Variants in NRXN3 observed in about 807,000 individuals in gnomAD.
The protein encoded by NRXN3 is neurexin III.
A neutral mutation model predicts 137.6 loss-of-function variants in NRXN3; 32 were observed. The observed-to-expected ratio is 0.23, with a 90% confidence interval of 0.18 to 0.31. The LOEUF (loss-of-function observed/expected upper bound fraction) is 0.31. Among genes scored for constraint, NRXN3 ranks in the 10% least tolerant of loss-of-function variants. The pLI is 1.00. For synonymous variants in NRXN3, 798 were observed against 784.5 expected (o/e 1.02, Z -0.29); for missense variants, 1,574 against 2,062.5 (o/e 0.76, Z 4.59).
chr14:79,855,703 T>A (rs2099401138), intron 20 of NRXN3, among the ~76,000 whole-genome samples: 1 of 152,200 alleles, frequency 6.6e-6, no homozygotes, highest in Non-Finnish European at 1.5e-5. Flanking sequence ...AAAGTGATTA[T>A]GTAAGTGTTT....
At chr14:79,788,214 G>A (rs1409460110) in intron 19 of NRXN3, among the ~76,000 whole-genome samples, 2 of 152,044 alleles carry the variant, frequency 1.3e-5, no homozygotes, top group Non-Finnish European at 2.9e-5. Context: ...AACAGCATGG[G>A]AAAAACCCAC....
intron 15 of NRXN3, among the ~76,000 whole-genome samples, chr14:79,358,648 A>AGAAG (rs2093563582): frequency 6.6e-6 from 1 of 151,202 alleles, no homozygotes; most frequent in African/African-American, 2.4e-5. Flanking sequence ...AAAGAAAGAA[A>AGAAG]GAAAGAAAGA....
At chr14:78,263,441 A>G (rs2071121866) in intron 2 of NRXN3, among the ~76,000 whole-genome samples, 4 of 152,206 alleles carry the variant, frequency 2.6e-5, no homozygotes. Flanking sequence ...CTTTACCTCT[A>G]TGTTGGCATA....
chr14:79,419,057 A>G (rs991359216), intron 15 of NRXN3, among the ~76,000 whole-genome samples: 32 of 135,494 alleles, frequency 2.4e-4, no homozygotes, highest in African/African-American at 7.3e-4. Context: ...TTTACCTTCT[A>G]TCTGTCCTGG....
chr14:79,143,699 TA>T (rs1289038865), intron 15 of NRXN3, among the ~76,000 whole-genome samples: 1 of 152,224 alleles, frequency 6.6e-6, no homozygotes, highest in Non-Finnish European at 1.5e-5. Context: ...GCTCACTCTT[TA>T]GAGGGAAATT....
At chr14:79,522,651 C>T (rs554823483) in intron 16 of NRXN3, among the ~76,000 whole-genome samples, 1 of 152,120 alleles carries the variant, frequency 6.6e-6, no homozygotes, top group Non-Finnish European at 1.5e-5. Flanking sequence ...CCCATGGAAA[C>T]CTTTACAAAT....
intron 4 of NRXN3, among the ~76,000 whole-genome samples, chr14:78,590,502 T>C (rs1388656097): frequency 6.6e-6 from 1 of 152,210 alleles, no homozygotes; most frequent in East Asian, 1.9e-4. Flanking sequence ...AGCTAGACCA[T>C]TCCTAAAGGA....
chr14:79,676,394 T>G (rs1374279411), intron 17 of NRXN3, among the ~76,000 whole-genome samples: 1 of 152,062 alleles, frequency 6.6e-6, no homozygotes, highest in Non-Finnish European at 1.5e-5. Flanking sequence ...TCTTTCTATG[T>G]ATTTCCTTCA....
chr14:78,962,870 C>T lies in NRXN3; in HGVS notation c.2396-3155C>T, dbSNP rs150430856. Among the ~76,000 whole-genome samples the T allele has an allele frequency of 1.2e-4, 19 of 152,190 alleles. No homozygotes were observed. The East Asian group carries it at 3.3e-3, about 26-fold the overall frequency. On this transcript the variant is annotated intron_variant, in intron 11 of 20. Coordinates refer to ENST00000335750, the MANE Select transcript of NRXN3 (RefSeq NM_001330195.2). ...CTGGGACTACAGGCGTGTGCCACCA[C>T]GCCAGGCTAATTTTTGTATTTTTAG...
At chr14:79,028,452 G>C (rs1595101073) in intron 15 of NRXN3, among the ~76,000 whole-genome samples, 1 of 152,264 alleles carries the variant, frequency 6.6e-6, no homozygotes, top group East Asian at 1.9e-4. Flanking sequence ...CTCTACCCAA[G>C]TTGCCCAAGA....
chr14:78,262,404 A>G (rs2070894535), intron 2 of NRXN3, among the ~76,000 whole-genome samples: 1 of 152,162 alleles, frequency 6.6e-6, no homozygotes, highest in Non-Finnish European at 1.5e-5. Flanking sequence ...CTTGGAGGTA[A>G]GGATTCAGGG....
chr14:79,141,165 A>G (rs2058751569), intron 15 of NRXN3, among the ~76,000 whole-genome samples: 1 of 152,186 alleles, frequency 6.6e-6, no homozygotes, highest in South Asian at 2.1e-4. Flanking sequence ...GTAGTAATAA[A>G]TGATATGACA....
intron 15 of NRXN3, among the ~76,000 whole-genome samples, chr14:79,344,392 A>G (rs1223537420): frequency 3.3e-5 from 5 of 152,192 alleles, no homozygotes. Context: ...AATATGCTCA[A>G]TGTGCTTTAA....
intron 15 of NRXN3, among the ~76,000 whole-genome samples, chr14:79,092,304 A>G (rs1467635843): frequency 6.6e-6 from 1 of 152,226 alleles, no homozygotes; most frequent in Non-Finnish European, 1.5e-5. Flanking sequence ...TTTTGTAATC[A>G]CATGATTAAT....
In NRXN3 at chr14:79,284,207, A is replaced by G. The variant is rs1598292852; in HGVS notation, c.3263-183014A>G. On this transcript the variant is annotated intron_variant, in intron 15 of 20. Transcript: ENST00000335750. ...TTAAAGGTCATTGGACCTTTAAGAA[A>G]TCCAATGTGTCTGGGCATGGTGGCT... Among the ~76,000 whole-genome samples the G allele has an allele frequency of 2.0e-5, 3 of 150,432 alleles. No homozygotes were observed. In the South Asian group the frequency reaches 6.4e-4, roughly 32 times the overall value.
intron 4 of NRXN3, among the ~76,000 whole-genome samples, chr14:78,396,923 G>C (rs1362121375): frequency 6.6e-6 from 1 of 152,052 alleles, no homozygotes; most frequent in Non-Finnish European, 1.5e-5. Flanking sequence ...TCTGGTTGGG[G>C]CTCTCTTTCT....
At chr14:79,148,386 T>G (rs549183533) in intron 15 of NRXN3, among the ~76,000 whole-genome samples, 1 of 152,306 alleles carries the variant, frequency 6.6e-6, no homozygotes, top group African/African-American at 2.4e-5. Flanking sequence ...AGCTTGCTGA[T>G]AAATCAGATA....
At chr14:79,360,016 G>A (rs976746480) in intron 15 of NRXN3, among the ~76,000 whole-genome samples, 1 of 152,094 alleles carries the variant, frequency 6.6e-6, no homozygotes, top group African/African-American at 2.4e-5. Flanking sequence ...TGACATTTTC[G>A]ATTATGGAAA....
rs190195967 is a variant in NRXN3, at chr14:79,498,064, A to C, written c.3444+30662A>C. 5.6e-3 allele frequency among the ~76,000 whole-genome samples: 845 copies of C among 152,236 alleles called. 7 individuals carry two copies. Among genetic ancestry groups the C allele is most frequent in the African/African-American group, 0.019 (769 of 41,530 alleles). On this transcript the variant is annotated intron_variant, in intron 16 of 20. Transcript: ENST00000335750. ...ACAAACAAACAAACAAACAAAAAAAACCAGGAAGAACATATTCCAAAGTGT... is the reference window on the plus strand; with the variant it reads ...ACAAACAAACAAACAAACAAAAAAACCCAGGAAGAACATATTCCAAAGTGT...
Sources: gnomAD v4.1 joint callset for allele counts (sites outside exome capture counted in the v4.1 genomes callset) on GRCh38, gnomAD v4.1.1 for gene constraint, MANE v1.5 for transcripts, NCBI Gene and HGNC (gene_info 2026-07-23, HGNC 2026-07-21) for gene names.